ATG3: variants seen among roughly 807,000 people sequenced by gnomAD.
ATG3 encodes autophagy related 3.
In ATG3, 25 loss-of-function variants were observed where a neutral mutation model predicts 50.7. The ratio of observed to expected loss-of-function variants is 0.49; its 90% CI spans 0.36 to 0.69. The LOEUF is 0.69. Among genes scored for constraint, ATG3 ranks in the 30% least tolerant of loss-of-function variants. The probability of loss-of-function intolerance (pLI) is 0.00; values close to 1 mark genes in which losing one functional copy is unlikely to be tolerated. For synonymous variants in ATG3, 119 were observed against 125.5 expected (o/e 0.95, Z 0.34); for missense variants, 281 against 376.0 (o/e 0.75, Z 2.09).
Position 112,550,193 on chromosome 3 carries a change from AT to A in ATG3, c.233del (p.Asn78MetfsTer31). 1 of 1,607,574 alleles carries A rather than the reference AT, an allele frequency of 6.2e-7. No homozygotes were observed. The highest frequency in any genetic ancestry group is 8.5e-7 in the Non-Finnish European group (1 of 1,174,640). On this transcript the variant is annotated frameshift_variant and splice_region_variant, in exon 4 of 12. Transcript: ENST00000283290. LOFTEE classifies it high-confidence loss of function. Reference protein sequence around the residue: ...PTGKQFLVTKNVPCYKRCKQM... With the variant: ...PTGKQFLVTKXVPCYKRCKQM... ...TCATATATGCAACATAATTCTTACC[AT>A]TTTTGGTTACCAAAAATTGTTTGCC...
At chr3:112,536,366 G>A (rs920075449) in intron 10 of ATG3, 109 bp downstream of exon 10, 1 of 1,360,364 alleles carries the variant, frequency 7.4e-7, no homozygotes, top group Admixed American at 2.2e-5. Context: ...TTACTTTTTA[G>A]TAAGAAAATT....
rs1193335723 is a variant in ATG3 at position 112,532,649 on chromosome 3, T to C, written c.*50A>G. ...GTCAATGGTCACATCTATGGGTTAA[T>C]TCTTTAAAAATCAGAACCAATAATT... is the stretch of plus-strand genomic sequence containing the variant. On this transcript the variant is annotated 3_prime_UTR_variant, in exon 12 of 12. Transcript: ENST00000283290. The C allele has an allele frequency of 1.4e-6, 2 of 1,407,180 alleles. No individual in the cohort carries two copies. The highest frequency in any genetic ancestry group is 1.5e-5 in the African/African-American group (1 of 68,246). The allele number at this position is 1,407,180 out of a possible 1,614,324, so 87.2% of individuals were successfully genotyped here. A position where few individuals can be genotyped will look rare whatever the true frequency, so the allele number is the denominator to read the frequency against.
chr3:112,537,672 G>A (rs1933107063), intron 9 of ATG3, 63 bp downstream of exon 9: 3 of 1,296,882 alleles, frequency 2.3e-6, no homozygotes, highest in Non-Finnish European at 2.1e-6. Context: ...ACCTAATGAA[G>A]AAGAAATTAA....
At chr3:112,533,624 CA>C (rs1168947718) in intron 11 of ATG3, 2 of 985,204 alleles carry the variant, frequency 2.0e-6, no homozygotes, top group African/African-American at 3.5e-5. Flanking sequence ...CAAACTAATT[CA>C]AGCTATCTGG....
At chr3:112,547,485 G>C (rs1435215302) in intron 5 of ATG3, among the ~76,000 whole-genome samples, 1 of 152,148 alleles carries the variant, frequency 6.6e-6, no homozygotes, top group African/African-American at 2.4e-5. Context: ...TTTGTTTTTA[G>C]TATCATGGAT....
intron 5 of ATG3, among the ~76,000 whole-genome samples, chr3:112,547,352 T>C (rs1933397633): frequency 6.6e-6 from 1 of 152,102 alleles, no homozygotes; most frequent in African/African-American, 2.4e-5. Context: ...ATATTTAGTA[T>C]CATGGACTTA....
intron 7 of ATG3, among the ~76,000 whole-genome samples, chr3:112,540,373 T>C (rs1386160070): frequency 6.6e-6 from 1 of 152,244 alleles, no homozygotes; most frequent in Non-Finnish European, 1.5e-5. Flanking sequence ...ACAATCTATC[T>C]CACTCTAAAG....
intron 7 of ATG3, among the ~76,000 whole-genome samples, chr3:112,541,246 G>C (rs1933215420): frequency 6.6e-6 from 1 of 152,002 alleles, no homozygotes; most frequent in African/African-American, 2.4e-5. Flanking sequence ...AATTAGCTGG[G>C]TGTGGTGGCA....
chr3:112,549,802 A>C (rs796204974), intron 4 of ATG3, among the ~76,000 whole-genome samples: 1 of 128,874 alleles, frequency 7.8e-6, no homozygotes, highest in African/African-American at 3.2e-5. Context: ...AACAACCAAA[A>C]AAAAAAAAAA....
chr3:112,537,956 C>T (rs1933118411), intron 8 of ATG3, 66 bp from the exon 9 acceptor site: 5 of 1,440,474 alleles, frequency 3.5e-6, no homozygotes, highest in Non-Finnish European at 4.7e-6. Flanking sequence ...TTCTAGAAAA[C>T]TTATTTTTTC....
chr3:112,543,206 T>C (rs1306661874), intron 6 of ATG3, among the ~76,000 whole-genome samples: 1 of 152,104 alleles, frequency 6.6e-6, no homozygotes, highest in Non-Finnish European at 1.5e-5. Flanking sequence ...AATTATTCCA[T>C]TCAAATAGTC....
intron 11 of ATG3, chr3:112,533,468 AAT>A: frequency 1.0e-6 from 1 of 985,270 alleles, no homozygotes; most frequent in Non-Finnish European, 1.2e-6. Flanking sequence ...GGTTTGTTTC[AAT>A]ATCAAATCAG....
intron 1 of ATG3, among the ~76,000 whole-genome samples, chr3:112,559,014 C>T (rs1015428222): frequency 6.6e-6 from 1 of 152,238 alleles, no homozygotes; most frequent in African/African-American, 2.4e-5. Flanking sequence ...GCTGGGATTA[C>T]AGGCGTGAGC....
chr3:112,548,461 T>C, intron 5 of ATG3, 72 bp downstream of exon 5: 1 of 1,282,294 alleles, frequency 7.8e-7, no homozygotes, highest in Non-Finnish European at 1.1e-6. Context: ...CTTTTTTAAA[T>C]CAAGGCTATT....
Position 112,561,651 on chromosome 3 carries a change from C to CGAGGGGACGG in ATG3, c.-133_-124dup, listed in dbSNP as rs1553740145. ...GCATCAGCACCCGGCTGGCAGCACC[C>CGAGGGGACGG]GAGGGGACGGGACGCGACGCGACGG... On this transcript the variant is annotated 5_prime_UTR_variant, in exon 1 of 12. Coordinates refer to ENST00000283290, the MANE Select transcript of ATG3 (RefSeq NM_022488.5). The CGAGGGGACGG allele has an allele frequency of 5.6e-5, 56 of 1,003,644 alleles. 1 individual carries two copies. In the Admixed American group the frequency reaches 1.2e-3, roughly 22 times the overall value. The allele number at this position is 1,003,644 out of a possible 1,614,324, so 62.2% of individuals were successfully genotyped here.
At chr3:112,537,939 T>C in intron 8 of ATG3, 49 bp from the exon 9 acceptor site, 2 of 1,496,186 alleles carry the variant, frequency 1.3e-6, no homozygotes, top group East Asian at 2.3e-5. Flanking sequence ...TCGGTATGAA[T>C]GTGACATTCT....
chr3:112,555,732 A>T (rs1933653576), intron 2 of ATG3, among the ~76,000 whole-genome samples: 1 of 152,234 alleles, frequency 6.6e-6, no homozygotes, highest in African/African-American at 2.4e-5. Flanking sequence ...CTCCAGGCTC[A>T]TTCTACTCTA....
chr3:112,542,554 A>G (rs1465954738), intron 6 of ATG3, among the ~76,000 whole-genome samples: 2 of 152,054 alleles, frequency 1.3e-5, no homozygotes, highest in Non-Finnish European at 2.9e-5. Context: ...GGGTGGTTTA[A>G]TTTAACACTA....
chr3:112,536,594 C>T lies in ATG3; in HGVS notation c.675G>A (p.Gln225=), dbSNP rs757581010. ...LWLFGYDEQR[Q]PLTVEHMYED... is the part of the protein sequence containing the mutation. The stretch of plus-strand genomic sequence containing the variant: ...CATACATGTGCTCAACTGTTAAAGG[C>T]TGCCGTTGCTGAAAGCATAAAAAAT... Residue 225 remains glutamine, a synonymous_variant, in exon 10 of 12, where the codon CAG becomes CAA. Coordinates refer to ENST00000283290, the MANE Select transcript of ATG3 (RefSeq NM_022488.5). The T allele has an allele frequency of 1.2e-6, 2 of 1,613,862 alleles. No homozygotes were observed. The highest frequency in any genetic ancestry group is 2.7e-5 in the African/African-American group (2 of 74,886).
Sources: gnomAD v4.1 joint callset for allele counts (sites outside exome capture counted in the v4.1 genomes callset) on GRCh38, gnomAD v4.1.1 for gene constraint, MANE v1.5 for transcripts, NCBI Gene and HGNC (gene_info 2026-07-23, HGNC 2026-07-21) for gene names.